CADM1: variants seen among roughly 807,000 people sequenced by gnomAD.
The protein encoded by CADM1 is cell adhesion molecule 1, also known as TSLC-1.
Under a neutral mutation model 53.1 loss-of-function variants are expected in CADM1, and 15 were observed. The ratio of observed to expected loss-of-function variants is 0.28; its 90% CI spans 0.19 to 0.44. The LOEUF is 0.44. CADM1 is among the 20% of genes least tolerant of loss of function. The pLI is 1.00. For missense variants in CADM1, 434 were observed against 611.3 expected (o/e 0.71, Z 3.06); for synonymous variants, 281 against 243.0 (o/e 1.16, Z -1.45).
chr11:115,350,622 T>C (rs1359618135), intron 1 of CADM1, among the ~76,000 whole-genome samples: 1 of 145,926 alleles, frequency 6.9e-6, no homozygotes, highest in Non-Finnish European at 1.5e-5. Flanking sequence ...TATTCTGAGT[T>C]TGTCCCATAC....
At chr11:115,401,530 C>A (rs959128526) in intron 1 of CADM1, among the ~76,000 whole-genome samples, 1 of 152,098 alleles carries the variant, frequency 6.6e-6, no homozygotes, top group African/African-American at 2.4e-5. Flanking sequence ...ATCGCTTGAA[C>A]CCGGGAGGCG....
chr11:115,259,290 CTTTTTTTTTTTT>C (rs71066411), intron 1 of CADM1, among the ~76,000 whole-genome samples: 3,124 of 55,090 alleles, frequency 0.057, 100 homozygotes, highest in African/African-American at 0.15. Context: ...CCAGTCTTAA[CTTTTTTTTTTTT>C]TTTTTTTTTT....
intron 1 of CADM1, among the ~76,000 whole-genome samples, chr11:115,354,331 C>T (rs1193085138): frequency 1.3e-5 from 2 of 152,064 alleles, no homozygotes; most frequent in East Asian, 1.9e-4. Context: ...TGTAATGTTC[C>T]GAAGGTCACA....
intron 1 of CADM1, among the ~76,000 whole-genome samples, chr11:115,328,704 A>ATATATGTATATACATATATACGCG (rs1565367995): frequency 2.6e-4 from 2 of 7,764 alleles, no homozygotes; most frequent in African/African-American, 4.6e-4. Flanking sequence ...ATATATATGT[A>ATATATGTATATACATATATACGCG]TATATATATG....
chr11:115,175,235 T>A lies in CADM1; in HGVS notation c.*1239A>T. On this transcript the variant is annotated 3_prime_UTR_variant, in exon 12 of 12. Transcript: ENST00000331581. ...GAGAACAATACCAGCCCTTCTTTTGTACCTCCTGCCTTTGTCAAGCCAAAT... is the reference window on the plus strand; with the variant it reads ...GAGAACAATACCAGCCCTTCTTTTGAACCTCCTGCCTTTGTCAAGCCAAAT... 3.0e-6 allele frequency: 3 copies of A among 985,882 alleles called. No homozygotes were observed. Among genetic ancestry groups the A allele is most frequent in the Middle Eastern group, 5.2e-4 (1 of 1,914 alleles). 61.1% of individuals were successfully genotyped at this position (985,882 alleles called of 1,614,324 possible).
intron 10 of CADM1, among the ~76,000 whole-genome samples, chr11:115,183,950 G>A (rs1939428313): frequency 6.6e-6 from 1 of 152,186 alleles, no homozygotes; most frequent in South Asian, 2.1e-4. Context: ...TTTTGCAACA[G>A]TTCTGTCACG....
At chr11:115,468,162 G>A (rs917615539) in intron 1 of CADM1, among the ~76,000 whole-genome samples, 1 of 152,182 alleles carries the variant, frequency 6.6e-6, no homozygotes, top group Non-Finnish European at 1.5e-5. Context: ...TACTTCCAGT[G>A]TTTACCAAAA....
intron 1 of CADM1, among the ~76,000 whole-genome samples, chr11:115,244,365 T>C (rs1199318757): frequency 6.6e-6 from 1 of 152,194 alleles, no homozygotes; most frequent in Non-Finnish European, 1.5e-5. Flanking sequence ...TCAGTGACAT[T>C]ACATAAAACA....
chr11:115,453,774 A>G (rs1175390316), intron 1 of CADM1, among the ~76,000 whole-genome samples: 1 of 152,082 alleles, frequency 6.6e-6, no homozygotes, highest in Non-Finnish European at 1.5e-5. Context: ...TTACTTTCTT[A>G]TCACAAATCC....
chr11:115,327,818 A>C lies in CADM1; in HGVS notation c.125-87398T>G, dbSNP rs776347245. On this transcript the variant is annotated intron_variant, in intron 1 of 11. Coordinates refer to ENST00000331581, the MANE Select transcript of CADM1 (RefSeq NM_001301043.2). ...AGATTAAATGAAATTATGCATACAG[A>C]GTACCAGATACATTGTAAGTACTCA... 3.8e-4 allele frequency among the ~76,000 whole-genome samples: 58 copies of C among 152,206 alleles called. 1 individual carries two copies. Among genetic ancestry groups the C allele is most frequent in the Admixed American group, 1.3e-4 (2 of 15,274 alleles).
chr11:115,171,539 C>T lies in CADM1; in HGVS notation c.*4935G>A, dbSNP rs1938791173. On this transcript the variant is annotated 3_prime_UTR_variant, in exon 12 of 12. Transcript: ENST00000331581. Reference sequence around the variant, plus strand: ...CTGGGGGAAACGAGGGCCATTTTCACTCTCGTACGCACTCTTCTCAAATGA... The same window carrying T: ...CTGGGGGAAACGAGGGCCATTTTCATTCTCGTACGCACTCTTCTCAAATGA... 6.6e-6 allele frequency: 1 copy of T among 152,232 alleles called. No homozygotes were observed. The highest frequency in any genetic ancestry group is 2.4e-5 in the African/African-American group (1 of 41,450). 9.4% of individuals were successfully genotyped at this position (152,232 alleles called of 1,614,324 possible).
At chr11:115,465,558 C>A (rs1394168877) in intron 1 of CADM1, among the ~76,000 whole-genome samples, 1 of 152,140 alleles carries the variant, frequency 6.6e-6, no homozygotes, top group African/African-American at 2.4e-5. Flanking sequence ...CCATGAAAAG[C>A]ATATAGATAT....
chr11:115,425,446 A>G (rs532621272), intron 1 of CADM1, among the ~76,000 whole-genome samples: 1 of 152,340 alleles, frequency 6.6e-6, no homozygotes, highest in South Asian at 2.1e-4. Flanking sequence ...CACTTCAACA[A>G]CAGATAAGCA....
chr11:115,230,364 T>C (rs778723829), intron 4 of CADM1, among the ~76,000 whole-genome samples: 4 of 152,210 alleles, frequency 2.6e-5, no homozygotes, highest in Non-Finnish European at 5.9e-5. Context: ...TCTTTTCATC[T>C]TCATAAAAAT....
intron 1 of CADM1, among the ~76,000 whole-genome samples, chr11:115,481,621 C>T (rs138319779): frequency 4.5e-4 from 69 of 152,284 alleles, no homozygotes; most frequent in African/African-American, 1.6e-3. Flanking sequence ...GGGTCAAGCA[C>T]ATCCTCTTTA....
chr11:115,446,567 A>G (rs185919951), intron 1 of CADM1, among the ~76,000 whole-genome samples: 2 of 152,226 alleles, frequency 1.3e-5, no homozygotes, highest in Non-Finnish European at 2.9e-5. Context: ...TAAAAGAACT[A>G]AGTCCCAGAG....
chr11:115,233,334 T>C (rs535410669), intron 3 of CADM1, among the ~76,000 whole-genome samples: 1 of 152,174 alleles, frequency 6.6e-6, no homozygotes, highest in South Asian at 2.1e-4. Flanking sequence ...ATTTAACATC[T>C]AATTTAGAGT....
At chr11:115,191,695 G>A (rs1468745216) in intron 9 of CADM1, among the ~76,000 whole-genome samples, 1 of 151,966 alleles carries the variant, frequency 6.6e-6, no homozygotes, top group Non-Finnish European at 1.5e-5. Context: ...ACAATGGGAG[G>A]CTCAGATAGG....
chr11:115,262,729 G>A (rs998692189), intron 1 of CADM1, among the ~76,000 whole-genome samples: 3 of 151,844 alleles, frequency 2.0e-5, no homozygotes, highest in Non-Finnish European at 4.4e-5. Flanking sequence ...ATAAATGAAT[G>A]AGTTGATAAA....
Sources: gnomAD v4.1 joint callset for allele counts (sites outside exome capture counted in the v4.1 genomes callset) on GRCh38, gnomAD v4.1.1 for gene constraint, MANE v1.5 for transcripts, NCBI Gene and HGNC (gene_info 2026-07-23, HGNC 2026-07-21) for gene names.